The following FGGY variants were observed in gnomAD, a reference collection of about 807,000 sequenced individuals.
FGGY encodes FGGY carbohydrate kinase domain-containing protein.
FGGY carries 72 observed loss-of-function variants against 71.3 expected under a neutral mutation model. The observed-to-expected ratio is 1.01, with a 90% CI of 0.84 to 1.23. FGGY has a LOEUF of 1.23. FGGY is among the 50% of genes most tolerant of loss of function. The pLI is 0.00. For missense variants in FGGY, 668 were observed against 682.3 expected, an observed-to-expected ratio of 0.98 and a Z score of 0.23; for synonymous variants, 251 against 250.3, an observed-to-expected ratio of 1.00 and a Z score of -0.02.
At chr1:59,592,821 A>T (rs1196773465) in intron 8 of FGGY, among the ~76,000 whole-genome samples, 1 of 151,870 alleles carries the variant, frequency 6.6e-6, no homozygotes, top group Non-Finnish European at 1.5e-5. Flanking sequence ...GCATTATGAG[A>T]TATACCTAAT....
At chr1:59,708,768 A>G (rs2097773395) in intron 14 of FGGY, among the ~76,000 whole-genome samples, 1 of 152,174 alleles carries the variant, frequency 6.6e-6, no homozygotes, top group Admixed American at 6.5e-5. Flanking sequence ...AGCAGCGCTA[A>G]TTTGAAAATC....
intron 9 of FGGY, among the ~76,000 whole-genome samples, chr1:59,616,889 G>A (rs2096761121): frequency 6.6e-6 from 1 of 151,984 alleles, no homozygotes; most frequent in Non-Finnish European, 1.5e-5. Flanking sequence ...GTATTTTATA[G>A]TTAAGTGACT....
At chr1:59,491,134 CCTTCCTTCCTTT>C (rs141903659) in intron 6 of FGGY, among the ~76,000 whole-genome samples, 3 of 92,524 alleles carry the variant, frequency 3.2e-5, no homozygotes, top group African/African-American at 5.4e-5. Context: ...TTCCTTCCTT[CCTTCCTTCCTTT>C]CTCTCTTTCT....
At chr1:59,758,039 T>TAC (rs1214385626) in intron 15 of FGGY, 47 bp downstream of exon 15, 3 of 1,258,528 alleles carry the variant, frequency 2.4e-6, no homozygotes, top group Non-Finnish European at 3.5e-6. Context: ...AGTGAGCACA[T>TAC]ACACACACAC....
At chr1:59,430,889 A>G (rs2067234733) in intron 5 of FGGY, among the ~76,000 whole-genome samples, 1 of 152,206 alleles carries the variant, frequency 6.6e-6, no homozygotes, top group Non-Finnish European at 1.5e-5. Context: ...CTGCTGACCC[A>G]TAGACACCCT....
chr1:59,413,017 G>C (rs1297095555), intron 5 of FGGY, among the ~76,000 whole-genome samples: 2 of 152,178 alleles, frequency 1.3e-5, no homozygotes, highest in African/African-American at 4.8e-5. Context: ...TCTTCAGATT[G>C]TGCCACCTTT....
At chr1:59,637,398 C>G (rs1572439928) in intron 10 of FGGY, among the ~76,000 whole-genome samples, 1 of 152,046 alleles carries the variant, frequency 6.6e-6, no homozygotes, top group Non-Finnish European at 1.5e-5. Context: ...TTTGGGAGGC[C>G]GAGATGTGTG....
At chr1:59,458,406 C>T (rs1033797166) in intron 6 of FGGY, among the ~76,000 whole-genome samples, 2 of 152,120 alleles carry the variant, frequency 1.3e-5, no homozygotes, top group African/African-American at 4.8e-5. Flanking sequence ...ATGCTTGGTA[C>T]TAGGAGGTTG....
intron 5 of FGGY, among the ~76,000 whole-genome samples, chr1:59,381,489 A>G (rs1377485424): frequency 1.3e-5 from 2 of 152,112 alleles, no homozygotes; most frequent in African/African-American, 4.8e-5. Flanking sequence ...CATACACATT[A>G]TCCAAGGCCT....
At chr1:59,357,876 A>G (rs530231024) in intron 4 of FGGY, among the ~76,000 whole-genome samples, 1 of 152,300 alleles carries the variant, frequency 6.6e-6, no homozygotes, top group East Asian at 1.9e-4. Flanking sequence ...CTGTGCAGGG[A>G]TGTTGGCCAC....
upstream of FGGY, chr1:59,296,548 T>TA (rs2041985437): frequency 6.6e-6 from 1 of 152,430 alleles, no homozygotes; most frequent in Non-Finnish European, 1.5e-5. Flanking sequence ...TGCCCAGCCC[T>TA]GCCCGCGGTT....
chr1:59,517,841 A>G (rs796602672), intron 7 of FGGY, among the ~76,000 whole-genome samples: 17 of 152,336 alleles, frequency 1.1e-4, no homozygotes, highest in African/African-American at 4.1e-4. Flanking sequence ...AGGAACGGAT[A>G]TTACAACTGA....
chr1:59,635,372 A>G (rs1387946293), intron 10 of FGGY, among the ~76,000 whole-genome samples: 1 of 152,182 alleles, frequency 6.6e-6, no homozygotes, highest in Non-Finnish European at 1.5e-5. Flanking sequence ...ATGAGTGGCC[A>G]TATATGTAGA....
chr1:59,484,425 A>G (rs768156964), intron 6 of FGGY, among the ~76,000 whole-genome samples: 4 of 152,068 alleles, frequency 2.6e-5, no homozygotes, highest in Non-Finnish European at 5.9e-5. Flanking sequence ...TTAAAGGAAT[A>G]CCTTCTTGTG....
rs548020887 is a variant in FGGY at position 59,610,070 on chromosome 1, A to C, written c.1011+2160A>C. Among the ~76,000 whole-genome samples, 17 of 152,326 alleles carry C rather than the reference A, an allele frequency of 1.1e-4. No individual in the cohort carries two copies. The East Asian group carries it at 3.1e-3, about 28-fold the overall frequency. On this transcript the variant is annotated intron_variant, in intron 9 of 15. Coordinates refer to ENST00000303721, the MANE Select transcript of FGGY (RefSeq NM_018291.5). ...TAAACTTGTGCTATGTACTTAGTCA[A>C]CTTATTTTATTTTACTTTCAGTTCC...
At chr1:59,398,096 G>C in intron 5 of FGGY, among the ~76,000 whole-genome samples, 1 of 152,090 alleles carries the variant, frequency 6.6e-6, no homozygotes, top group East Asian at 1.9e-4. Context: ...GATTATAGAT[G>C]GGTTGAGTCT....
chr1:59,346,724 A>G (rs764011466), intron 4 of FGGY, among the ~76,000 whole-genome samples: 1 of 152,142 alleles, frequency 6.6e-6, no homozygotes, highest in African/African-American at 2.4e-5. Flanking sequence ...AGATAAAACA[A>G]CTCACTCAAA....
chr1:59,368,774 T>C (rs1319564551), intron 4 of FGGY, among the ~76,000 whole-genome samples: 1 of 152,174 alleles, frequency 6.6e-6, no homozygotes, highest in African/African-American at 2.4e-5. Context: ...ACAAAGCACT[T>C]GTGAATCAGG....
chr1:59,413,909 C>T (rs932989627), intron 5 of FGGY, among the ~76,000 whole-genome samples: 10 of 152,190 alleles, frequency 6.6e-5, no homozygotes, highest in East Asian at 1.9e-4. Flanking sequence ...TGTAGCAAGC[C>T]GAGATTGCAC....
Sources: allele counts gnomAD v4.1 joint callset (sites outside exome capture counted in the v4.1 genomes callset), GRCh38; gene constraint gnomAD v4.1.1; transcripts MANE v1.5; gene names NCBI Gene and HGNC (gene_info 2026-07-23, HGNC 2026-07-21).